CNOT4: variants seen among roughly 807,000 people sequenced by gnomAD.
CNOT4 encodes CCR4-NOT transcription complex subunit 4.
Under a neutral mutation model 73.8 loss-of-function variants are expected in CNOT4, and 8 were observed. The observed-to-expected ratio is 0.11, with a 90% CI of 0.06 to 0.20. The LOEUF is 0.20. CNOT4 is among the 10% of genes least tolerant of loss of function. The pLI, the probability that CNOT4 is intolerant of heterozygous loss-of-function variation, is 1.00. For missense variants in CNOT4, 564 were observed against 883.4 expected (o/e 0.64, Z 4.58); for synonymous variants, 293 against 321.1 (o/e 0.91, Z 0.94).
chr7:135,493,153 G>T (rs796423895), intron 1 of CNOT4, among the ~76,000 whole-genome samples: 23 of 152,164 alleles, frequency 1.5e-4, no homozygotes, highest in Admixed American at 1.5e-3. Flanking sequence ...TGTTCAAATG[G>T]AGTAGGTCAG....
chr7:135,453,824 T>TATATATATATATATA (rs1491151967), intron 1 of CNOT4, among the ~76,000 whole-genome samples: 1 of 69,854 alleles, frequency 1.4e-5, no homozygotes, highest in Admixed American at 1.6e-4. Context: ...AATATATATA[T>TATATATATATATATA]TTTATATATA....
At chr7:135,436,507 AT>A (rs1799164508) in intron 2 of CNOT4, among the ~76,000 whole-genome samples, 1 of 76,828 alleles carries the variant, frequency 1.3e-5, no homozygotes, top group Non-Finnish European at 2.5e-5. Context: ...TTTCTAAAAT[AT>A]AACTAAATGT....
intron 8 of CNOT4, among the ~76,000 whole-genome samples, chr7:135,397,682 A>G (rs1191521900): frequency 6.6e-6 from 1 of 152,100 alleles, no homozygotes; most frequent in Non-Finnish European, 1.5e-5. Context: ...CACTCCACTC[A>G]GTTTCATAGT....
At chr7:135,441,089 T>C (rs1331600409) in intron 1 of CNOT4, among the ~76,000 whole-genome samples, 1 of 152,184 alleles carries the variant, frequency 6.6e-6, no homozygotes, top group Non-Finnish European at 1.5e-5. Flanking sequence ...TTAAAACATA[T>C]AAACCCTGTA....
At chr7:135,492,934 TAGA>T (rs1803212309) in intron 1 of CNOT4, among the ~76,000 whole-genome samples, 1 of 152,086 alleles carries the variant, frequency 6.6e-6, no homozygotes, top group African/African-American at 2.4e-5. Flanking sequence ...GACTTAGTGT[TAGA>T]AGAATGACAA....
chr7:135,469,592 G>A (rs1801445586), intron 1 of CNOT4, among the ~76,000 whole-genome samples: 2 of 151,916 alleles, frequency 1.3e-5, no homozygotes, highest in African/African-American at 4.8e-5. Flanking sequence ...TCCTTAATAT[G>A]AACTATAAGG....
In CNOT4 at chr7:135,363,239, T is replaced by C. The variant is rs577926496; in HGVS notation, c.1841-53A>G. ...AAATGGTGAGTTTGTGTGGAAAGAA[T>C]AAGGTCGTCAAACAAATTTAGAAAG... On this transcript the variant is annotated intron_variant, in intron 11 of 11. Coordinates refer to ENST00000541284, the MANE Select transcript of CNOT4 (RefSeq NM_001190850.2). This position sits in a 1 kb window ranked among gnomAD's most constrained non-coding sequence, Gnocchi z 4.3. 20 of 1,558,238 alleles carry C rather than the reference T, an allele frequency of 1.3e-5. No individual in the cohort carries two copies. The South Asian group carries it at 2.1e-4, about 17-fold the overall frequency.
intron 1 of CNOT4, among the ~76,000 whole-genome samples, chr7:135,479,040 T>C (rs1802178827): frequency 6.6e-6 from 1 of 152,082 alleles, no homozygotes; most frequent in Non-Finnish European, 1.5e-5. Flanking sequence ...ACAGATTAAT[T>C]GACATAGAGC....
chr7:135,475,976 GAAAATTGACCAGT>G (rs1801966497), intron 1 of CNOT4, among the ~76,000 whole-genome samples: 1 of 152,120 alleles, frequency 6.6e-6, no homozygotes, highest in African/African-American at 2.4e-5. Flanking sequence ...TTGCTATGTA[GAAAATTGACCAGT>G]AAAATAGTGT....
intron 3 of CNOT4, among the ~76,000 whole-genome samples, chr7:135,420,435 G>A (rs1057441549): frequency 4.0e-5 from 6 of 151,620 alleles, no homozygotes; most frequent in Non-Finnish European, 5.9e-5. Flanking sequence ...AAACTAGCCA[G>A]GTGTGGTGAT....
At chr7:135,455,236 T>G (rs887176175) in intron 1 of CNOT4, among the ~76,000 whole-genome samples, 1 of 150,198 alleles carries the variant, frequency 6.7e-6, no homozygotes, top group African/African-American at 2.5e-5. Context: ...ATCATACCAG[T>G]GCACTCCAGC....
chr7:135,387,164 G>A lies in CNOT4; in HGVS notation c.1627+6754C>T. 1.8e-5 allele frequency: 18 copies of A among 979,748 alleles called. 1 individual carries two copies. The highest frequency in any genetic ancestry group is 2.2e-5 in the Non-Finnish European group (18 of 824,812). The allele number at this position is 979,748 out of a possible 1,614,324, so 60.7% of individuals were successfully genotyped here. ...GATAATAAGTCTACAATATTAATAA[G>A]TCTACAGTATTTTATTGGCATTTTC... On this transcript the variant is annotated intron_variant, in intron 10 of 11. Transcript: ENST00000541284.
intron 1 of CNOT4, among the ~76,000 whole-genome samples, chr7:135,476,123 A>G (rs1353618226): frequency 1.3e-5 from 2 of 152,354 alleles, no homozygotes; most frequent in East Asian, 3.9e-4. Context: ...AAGATACATC[A>G]CTACAATATC....
chr7:135,486,788 T>G (rs1802747647), intron 1 of CNOT4, among the ~76,000 whole-genome samples: 1 of 152,152 alleles, frequency 6.6e-6, no homozygotes, highest in African/African-American at 2.4e-5. Context: ...CACATAAGAA[T>G]AGTCTCCTGA....
intron 10 of CNOT4, chr7:135,386,924 C>G: frequency 4.5e-6 from 1 of 220,930 alleles, no homozygotes; most frequent in Non-Finnish European, 7.6e-6. Context: ...ATGGCACTAA[C>G]CACTTGCTAT....
chr7:135,399,250 T>C (rs2129483600), intron 7 of CNOT4, among the ~76,000 whole-genome samples: 1 of 152,206 alleles, frequency 6.6e-6, no homozygotes, highest in East Asian at 1.9e-4. Context: ...TGTGGAAACA[T>C]TAAAGTGTGC....
At chr7:135,375,265 T>C (rs1795455493) in intron 10 of CNOT4, among the ~76,000 whole-genome samples, 1 of 152,210 alleles carries the variant, frequency 6.6e-6, no homozygotes. Context: ...CTCAAAATCA[T>C]GTTAAGTGTG....
At chr7:135,373,665 C>T (rs886509247) in intron 10 of CNOT4, among the ~76,000 whole-genome samples, 4 of 152,202 alleles carry the variant, frequency 2.6e-5, no homozygotes, top group African/African-American at 7.2e-5. Context: ...CAACCTCCAC[C>T]TCCCAGGTTC....
chr7:135,387,988 T>C (rs1796206333), intron 10 of CNOT4: 1 of 982,948 alleles, frequency 1.0e-6, no homozygotes, highest in Non-Finnish European at 1.2e-6. Flanking sequence ...GTTTGTTCAG[T>C]AACAATGTTA....
Sources: allele counts gnomAD v4.1 joint callset (sites outside exome capture counted in the v4.1 genomes callset), GRCh38; gene constraint gnomAD v4.1.1; non-coding constraint Gnocchi (gnomAD v3.1); transcripts MANE v1.5; gene names NCBI Gene and HGNC (gene_info 2026-07-23, HGNC 2026-07-21).